The following NTRK3 variants were observed in gnomAD, a reference collection of about 807,000 sequenced individuals.
NTRK3 encodes the protein neurotrophic receptor tyrosine kinase 3.
Under a neutral mutation model 91.7 loss-of-function variants are expected in NTRK3, and 24 were observed. The ratio of observed to expected loss-of-function variants is 0.26; its 90% CI spans 0.19 to 0.37. The LOEUF (loss-of-function observed/expected upper bound fraction) is 0.37. Ranked by LOEUF, NTRK3 falls within the 10% of genes least tolerant of loss-of-function variation. The pLI, the probability that NTRK3 is intolerant of heterozygous loss-of-function variation, is 1.00. For missense variants in NTRK3, 880 were observed against 1,068.9 expected (o/e 0.82, Z 2.46); for synonymous variants, 483 against 404.0 (o/e 1.20, Z -2.34).
intron 17 of NTRK3, among the ~76,000 whole-genome samples, chr15:87,920,658 T>C (rs2067790060): frequency 1.3e-5 from 2 of 152,202 alleles, no homozygotes. Context: ...AGTTATAATT[T>C]GCTCACAAAA....
At chr15:87,883,966 AAATT>A (rs2065392052) in intron 17 of NTRK3, among the ~76,000 whole-genome samples, 1 of 141,770 alleles carries the variant, frequency 7.1e-6, no homozygotes, top group African/African-American at 2.6e-5. Flanking sequence ...AAATATAATT[AAATT>A]AATAAGGATT....
At chr15:88,006,276 G>A (rs190880911) in intron 14 of NTRK3, among the ~76,000 whole-genome samples, 3 of 152,184 alleles carry the variant, frequency 2.0e-5, no homozygotes, top group South Asian at 2.1e-4. Context: ...AGTGTTCCTC[G>A]GGAAAGGGAT....
chr15:87,958,106 GC>G (rs2141173662), intron 14 of NTRK3, among the ~76,000 whole-genome samples: 1 of 152,230 alleles, frequency 6.6e-6, no homozygotes, highest in South Asian at 2.1e-4. Flanking sequence ...TAAAATTACA[GC>G]AAAAGCCGCT....
chr15:88,090,747 C>A (rs774272040), intron 13 of NTRK3, among the ~76,000 whole-genome samples: 7 of 152,156 alleles, frequency 4.6e-5, no homozygotes, highest in Non-Finnish European at 8.8e-5. Context: ...AACCCCTGAC[C>A]CACTCTTAAT....
chr15:87,869,580 G>A (rs1283810651), exon 19 of NTRK3: 2 of 212,532 alleles, frequency 9.4e-6, no homozygotes, highest in Non-Finnish European at 1.9e-5. Flanking sequence ...GATTCACCTT[G>A]TATTAAGACT....
chr15:87,869,138 C>T, exon 19 of NTRK3: 2 of 229,282 alleles, frequency 8.7e-6, no homozygotes, highest in Admixed American at 1.1e-4. Context: ...ATGACAATCT[C>T]TGTCACTCTA....
intron 17 of NTRK3, among the ~76,000 whole-genome samples, chr15:87,918,086 C>G: frequency 6.6e-6 from 1 of 152,096 alleles, no homozygotes; most frequent in Middle Eastern, 3.2e-3. Flanking sequence ...ACCAGCCAGT[C>G]TCCAGTTCGT....
At chr15:88,155,989 G>C (rs187547601) in intron 5 of NTRK3, among the ~76,000 whole-genome samples, 30 of 152,160 alleles carry the variant, frequency 2.0e-4, no homozygotes, top group African/African-American at 7.0e-4. Context: ...CATATTAGAA[G>C]ACACGGCTCT....
chr15:87,897,791 G>A (rs946923375), intron 17 of NTRK3, among the ~76,000 whole-genome samples: 1 of 151,944 alleles, frequency 6.6e-6, no homozygotes, highest in African/African-American at 2.4e-5. Flanking sequence ...AATAGTTAGA[G>A]GCCAAAAAAT....
intron 14 of NTRK3, among the ~76,000 whole-genome samples, chr15:87,993,847 G>C (rs896721243): frequency 5.3e-5 from 8 of 152,166 alleles, no homozygotes; most frequent in African/African-American, 1.9e-4. Flanking sequence ...AGTAAGAAGA[G>C]TAAAAAACAA....
At chr15:87,893,935 A>G (rs555329684) in intron 17 of NTRK3, among the ~76,000 whole-genome samples, 2 of 152,320 alleles carry the variant, frequency 1.3e-5, no homozygotes, top group South Asian at 2.1e-4. Flanking sequence ...CAACTCATCT[A>G]CTTTGGAGGA....
intron 14 of NTRK3, chr15:87,977,899 C>T (rs1258496142): frequency 4.3e-6 from 1 of 232,602 alleles, no homozygotes; most frequent in Non-Finnish European, 8.5e-6. Context: ...TTAAATTTGC[C>T]AAAGGCATAG....
chr15:88,138,736 T>C (rs2042108725), intron 6 of NTRK3, among the ~76,000 whole-genome samples: 1 of 152,218 alleles, frequency 6.6e-6, no homozygotes, highest in African/African-American at 2.4e-5. Context: ...CCATGCTATA[T>C]TTGTCTTTCT....
chr15:88,074,819 T>C (rs1375155894), intron 13 of NTRK3, among the ~76,000 whole-genome samples: 1 of 152,188 alleles, frequency 6.6e-6, no homozygotes, highest in Non-Finnish European at 1.5e-5. Context: ...GGTCCTTAAA[T>C]CGTGCTATCT....
At chr15:88,119,252 C>T (rs1047048900) in intron 13 of NTRK3, among the ~76,000 whole-genome samples, 1 of 152,202 alleles carries the variant, frequency 6.6e-6, no homozygotes, top group Non-Finnish European at 1.5e-5. Flanking sequence ...CTCAAAGCTC[C>T]AAGCACCACA....
chr15:88,048,113 T>C (rs1242552254), intron 13 of NTRK3, among the ~76,000 whole-genome samples: 1 of 152,182 alleles, frequency 6.6e-6, no homozygotes, highest in Non-Finnish European at 1.5e-5. Flanking sequence ...ACGCAGCCAT[T>C]GATTTTCCAC....
At position 87,912,929 on chromosome 15, in the gene NTRK3, AAAATATATATATATATATATATATAT is replaced by A. The variant is rs1178238992; in HGVS notation, c.2133+16236_2133+16261del. Among the ~76,000 whole-genome samples, 68 of 15,092 alleles carry A rather than the reference AAAATATATATATATATATATATATAT, an allele frequency of 4.5e-3. 1 individual carries two copies. Among genetic ancestry groups the A allele is most frequent in the South Asian group, 0.017 (6 of 362 alleles). The allele number at this position is 15,092 out of a possible 152,430, so 9.9% of individuals were successfully genotyped here. ...TGTTCAACTTTTCAAAAAGTAAAAAAAAATATATATATATATATATATATATATATATATATATATATATGCTTCAA... is the reference window on the plus strand; with the variant it reads ...TGTTCAACTTTTCAAAAAGTAAAAAAATATATATATATATATATGCTTCAA... On this transcript the variant is annotated intron_variant, in intron 17 of 18. Coordinates refer to ENST00000394480, the Ensembl canonical transcript of NTRK3.
intron 12 of NTRK3, 135 bp downstream of exon 12, chr15:88,127,027 G>T: frequency 1.3e-6 from 1 of 798,460 alleles, no homozygotes; most frequent in Non-Finnish European, 2.2e-6. Flanking sequence ...TAAACTGCCT[G>T]AACGTAGTTC....
intron 14 of NTRK3, among the ~76,000 whole-genome samples, chr15:87,970,919 T>C (rs1314962221): frequency 5.3e-5 from 8 of 152,182 alleles, no homozygotes; most frequent in African/African-American, 1.9e-4. Context: ...GGATAACAGT[T>C]GGTCAAGTGA....
Sources: allele counts gnomAD v4.1 joint callset (sites outside exome capture counted in the v4.1 genomes callset), GRCh38; gene constraint gnomAD v4.1.1; transcripts MANE v1.5; gene names NCBI Gene and HGNC (gene_info 2026-07-23, HGNC 2026-07-21).